The following KCND2 variants were observed in gnomAD, a reference collection of about 807,000 sequenced individuals.
The protein encoded by KCND2 is A-type voltage-gated potassium channel KCND2.
Under a neutral mutation model 54.4 loss-of-function variants are expected in KCND2, and 16 were observed. The observed-to-expected ratio is 0.29, with a 90% CI of 0.20 to 0.45. KCND2 has a LOEUF of 0.45. Ranked by LOEUF, KCND2 falls within the 20% of genes least tolerant of loss-of-function variation. The pLI, the probability that KCND2 is intolerant of heterozygous loss-of-function variation, is 1.00. For synonymous variants in KCND2, 317 were observed against 310.7 expected (o/e 1.02, Z -0.21); for missense variants, 486 against 824.2 (o/e 0.59, Z 5.02).
intron 1 of KCND2, among the ~76,000 whole-genome samples, chr7:120,311,182 A>G (rs983977420): frequency 1.3e-5 from 2 of 152,128 alleles, no homozygotes; most frequent in Non-Finnish European, 2.9e-5. Flanking sequence ...GTGTAGACAT[A>G]TGCTGCATCT....
intron 1 of KCND2, among the ~76,000 whole-genome samples, chr7:120,472,920 T>G (rs1230545223): frequency 6.6e-6 from 1 of 152,124 alleles, no homozygotes; most frequent in African/African-American, 2.4e-5. Flanking sequence ...TTGTGAGCAG[T>G]TAATAAAGAC....
chr7:120,605,300 T>G (rs188661471), intron 1 of KCND2, among the ~76,000 whole-genome samples: 21 of 152,370 alleles, frequency 1.4e-4, no homozygotes, highest in Admixed American at 1.1e-3. Context: ...CTAGACACTT[T>G]ATGTAAATGC....
intron 1 of KCND2, among the ~76,000 whole-genome samples, chr7:120,420,961 TAAC>T (rs570543777): frequency 5.1e-4 from 77 of 152,296 alleles, no homozygotes; most frequent in African/African-American, 1.8e-3. Flanking sequence ...GCTGTAATAA[TAAC>T]AATATATGTA....
intron 1 of KCND2, among the ~76,000 whole-genome samples, chr7:120,653,895 C>T (rs1246261183): frequency 6.6e-6 from 1 of 152,044 alleles, no homozygotes; most frequent in African/African-American, 2.4e-5. Context: ...GAAGAGGAAG[C>T]CATTAACTTT....
chr7:120,613,416 A>T (rs1562888126), intron 1 of KCND2, among the ~76,000 whole-genome samples: 2 of 152,152 alleles, frequency 1.3e-5, no homozygotes, highest in Non-Finnish European at 1.5e-5. Flanking sequence ...CTGTAATCAC[A>T]GTTACTTGGG....
intron 1 of KCND2, among the ~76,000 whole-genome samples, chr7:120,469,190 A>G (rs890701149): frequency 2.6e-5 from 4 of 152,096 alleles, no homozygotes; most frequent in Non-Finnish European, 5.9e-5. Flanking sequence ...CACAAAACAG[A>G]TGAATTGGAT....
intron 1 of KCND2, among the ~76,000 whole-genome samples, chr7:120,386,362 T>A (rs1351079029): frequency 6.6e-6 from 1 of 152,154 alleles, no homozygotes; most frequent in Non-Finnish European, 1.5e-5. Context: ...GCCCATGCAT[T>A]TCTCCTCTCT....
chr7:120,633,167 C>A (rs1231261640), intron 1 of KCND2, among the ~76,000 whole-genome samples: 1 of 152,084 alleles, frequency 6.6e-6, no homozygotes, highest in Non-Finnish European at 1.5e-5. Context: ...AGATATCATT[C>A]TTTTTTTTGA....
At position 120,628,156 on chromosome 7, in the gene KCND2, G is replaced by A. The variant is rs142348843; in HGVS notation, c.1116-104747G>A. Among the ~76,000 whole-genome samples the A allele has an allele frequency of 6.8e-3, 1,028 of 152,250 alleles. 12 individuals carry two copies. The highest frequency in any genetic ancestry group is 0.035 in the South Asian group (168 of 4,828). ...AATGAATGTTCAAAGATATAGAGAA[G>A]AGAACCAGATTTTAAGATGCCAATT... On this transcript the variant is annotated intron_variant, in intron 1 of 5. Transcript: ENST00000331113.
intron 1 of KCND2, among the ~76,000 whole-genome samples, chr7:120,595,148 T>C (rs185971361): frequency 9.2e-5 from 14 of 152,106 alleles, no homozygotes; most frequent in African/African-American, 3.1e-4. Context: ...TCCATCTCAG[T>C]TCTACTAAAA....
chr7:120,700,196 G>C (rs1315971613), intron 1 of KCND2, among the ~76,000 whole-genome samples: 1 of 152,168 alleles, frequency 6.6e-6, no homozygotes, highest in Non-Finnish European at 1.5e-5. Context: ...AAATAGAACA[G>C]TAGAGTAGAT....
At chr7:120,572,315 A>G (rs1353135029) in intron 1 of KCND2, among the ~76,000 whole-genome samples, 1 of 152,106 alleles carries the variant, frequency 6.6e-6, no homozygotes, top group Admixed American at 6.6e-5. Flanking sequence ...GTAGTATTGG[A>G]CTGCAGAGTG....
chr7:120,629,651 C>T (rs1562892623), intron 1 of KCND2, among the ~76,000 whole-genome samples: 1 of 152,154 alleles, frequency 6.6e-6, no homozygotes, highest in Non-Finnish European at 1.5e-5. Flanking sequence ...AAGGTGGACG[C>T]TGCAAGTTAG....
chr7:120,596,352 G>A (rs933256779), intron 1 of KCND2, among the ~76,000 whole-genome samples: 3 of 152,126 alleles, frequency 2.0e-5, no homozygotes, highest in East Asian at 1.9e-4. Context: ...AAATATGAGG[G>A]ATCAGTTTGT....
chr7:120,469,006 A>G (rs1802417136), intron 1 of KCND2, among the ~76,000 whole-genome samples: 1 of 142,412 alleles, frequency 7.0e-6, no homozygotes, highest in South Asian at 2.1e-4. Context: ...CTTTGTGGTT[A>G]TGGTGTGGAT....
At chr7:120,465,133 T>C (rs1418595451) in intron 1 of KCND2, among the ~76,000 whole-genome samples, 1 of 151,944 alleles carries the variant, frequency 6.6e-6, no homozygotes, top group South Asian at 2.1e-4. Context: ...TGAACCCCAA[T>C]AATTTGGAGG....
At chr7:120,330,136 A>G (rs1204245786) in intron 1 of KCND2, among the ~76,000 whole-genome samples, 1 of 152,112 alleles carries the variant, frequency 6.6e-6, no homozygotes, top group Non-Finnish European at 1.5e-5. Context: ...CATTCACTAG[A>G]TATGTGAACC....
chr7:120,540,419 C>T (rs1342298962), intron 1 of KCND2, among the ~76,000 whole-genome samples: 1 of 152,024 alleles, frequency 6.6e-6, no homozygotes, highest in Admixed American at 6.6e-5. Context: ...AATATAGTTA[C>T]TTAAATATTA....
At chr7:120,589,426 T>A in intron 1 of KCND2, among the ~76,000 whole-genome samples, 1 of 152,270 alleles carries the variant, frequency 6.6e-6, no homozygotes, top group Admixed American at 6.5e-5. Flanking sequence ...AAGGTGTAGA[T>A]GTTTTTTAAA....
Sources: allele counts gnomAD v4.1 joint callset (sites outside exome capture counted in the v4.1 genomes callset), GRCh38; gene constraint gnomAD v4.1.1; transcripts MANE v1.5; gene names NCBI Gene and HGNC (gene_info 2026-07-23, HGNC 2026-07-21).